The following PTPRA variants were observed in gnomAD, a reference collection of about 807,000 sequenced individuals.
PTPRA encodes the protein protein tyrosine phosphatase receptor type A.
PTPRA carries 25 observed loss-of-function variants against 104.8 expected under a neutral mutation model. The ratio of observed to expected loss-of-function variants is 0.24; its 90% confidence interval spans 0.17 to 0.33. The LOEUF (loss-of-function observed/expected upper bound fraction) is 0.33. Ranked by LOEUF, PTPRA falls within the 10% of genes least tolerant of loss-of-function variation. PTPRA has a pLI of 1.00. For synonymous variants in PTPRA, 323 were observed against 368.9 expected, an observed-to-expected ratio of 0.88 and a Z score of 1.43; for missense variants, 765 against 1,015.3, an observed-to-expected ratio of 0.75 and a Z score of 3.35.
chr20:2,891,194 A>G (rs1367529700), intron 1 of PTPRA, among the ~76,000 whole-genome samples: 3 of 152,156 alleles, frequency 2.0e-5, no homozygotes, highest in African/African-American at 7.2e-5. Flanking sequence ...CCCTTAATTC[A>G]GGCTGCTTCT....
intron 1 of PTPRA, among the ~76,000 whole-genome samples, chr20:2,906,347 G>A (rs936728580): frequency 2.0e-5 from 3 of 152,118 alleles, no homozygotes; most frequent in African/African-American, 7.2e-5. Flanking sequence ...AATCCCAGAA[G>A]GAGATAGAGG....
chr20:2,960,546 C>CT (rs974662997), intron 3 of PTPRA, among the ~76,000 whole-genome samples: 12 of 151,648 alleles, frequency 7.9e-5, no homozygotes, highest in South Asian at 2.1e-4. Flanking sequence ...CACGCCCTAC[C>CT]TTTTTTTTAA....
At chr20:2,921,547 T>G (rs2060096824) in intron 1 of PTPRA, among the ~76,000 whole-genome samples, 2 of 152,090 alleles carry the variant, frequency 1.3e-5, no homozygotes, top group Non-Finnish European at 2.9e-5. Context: ...TTTTTAACAT[T>G]TTGGTTTATT....
chr20:3,011,439 C>T (rs16988201), intron 11 of PTPRA, among the ~76,000 whole-genome samples: 11,017 of 152,178 alleles, frequency 0.072, 919 homozygotes, highest in African/African-American at 0.19. Context: ...TAATGTGCTA[C>T]GTGTGCAAAG....
intron 9 of PTPRA, among the ~76,000 whole-genome samples, chr20:2,997,631 C>G (rs897166928): frequency 2.6e-5 from 4 of 152,194 alleles, no homozygotes; most frequent in African/African-American, 9.7e-5. Context: ...TCCGTGAATG[C>G]CCACCTGATT....
At chr20:2,943,760 C>G (rs943498317) in intron 2 of PTPRA, among the ~76,000 whole-genome samples, 2 of 152,158 alleles carry the variant, frequency 1.3e-5, no homozygotes, top group African/African-American at 4.8e-5. Context: ...ACACACTATT[C>G]CTTTCTCTAA....
chr20:3,031,093 T>C (rs1464380420), intron 20 of PTPRA, among the ~76,000 whole-genome samples: 4 of 152,118 alleles, frequency 2.6e-5, no homozygotes, highest in Admixed American at 6.6e-5. Context: ...GGAACTCCCA[T>C]GCTGGGTCAA....
chr20:2,932,113 G>C (rs765876402), intron 2 of PTPRA, among the ~76,000 whole-genome samples: 1 of 152,194 alleles, frequency 6.6e-6, no homozygotes, highest in African/African-American at 2.4e-5. Context: ...AGTAGTCATT[G>C]TGTCAAAGAG....
chr20:2,927,614 A>G (rs972547855), intron 2 of PTPRA, among the ~76,000 whole-genome samples: 13 of 152,202 alleles, frequency 8.5e-5, no homozygotes, highest in African/African-American at 3.1e-4. Context: ...CTACACAGTC[A>G]TATTGGTATT....
intron 6 of PTPRA, among the ~76,000 whole-genome samples, chr20:2,977,156 A>G (rs1166764648): frequency 1.3e-5 from 2 of 151,936 alleles, no homozygotes; most frequent in Non-Finnish European, 2.9e-5. Context: ...TGCGCCTGTA[A>G]TCCCAGCTAC....
At chr20:2,938,586 T>C (rs879123684) in intron 2 of PTPRA, among the ~76,000 whole-genome samples, 3 of 152,170 alleles carry the variant, frequency 2.0e-5, no homozygotes, top group Admixed American at 2.0e-4. Context: ...ATCTTTGTTA[T>C]TATCCCACAG....
chr20:2,913,547 C>G (rs1450415485), intron 1 of PTPRA, among the ~76,000 whole-genome samples: 1 of 152,166 alleles, frequency 6.6e-6, no homozygotes, highest in East Asian at 1.9e-4. Flanking sequence ...CGCCTTGACA[C>G]TTTTGAAGAT....
At chr20:2,995,218 A>G (rs2063350483) in intron 9 of PTPRA, among the ~76,000 whole-genome samples, 1 of 152,164 alleles carries the variant, frequency 6.6e-6, no homozygotes, top group Non-Finnish European at 1.5e-5. Context: ...AATTGTTCCT[A>G]TCATTTGTAA....
chr20:2,924,217 C>T (rs940279535), intron 2 of PTPRA, among the ~76,000 whole-genome samples: 10 of 152,124 alleles, frequency 6.6e-5, no homozygotes, highest in African/African-American at 2.4e-4. Context: ...GCCTGGTCAA[C>T]ATGGTGAAAC....
chr20:2,985,899 G>GT (rs2062883970), intron 6 of PTPRA, among the ~76,000 whole-genome samples: 1 of 151,492 alleles, frequency 6.6e-6, no homozygotes, highest in Admixed American at 6.6e-5. Flanking sequence ...TTGTTTGTTT[G>GT]TTTGTTTGTT....
rs1160296311 is a variant in PTPRA at position 3,022,967 on chromosome 20, T to A, written c.1464+143T>A. 16 of 1,345,274 alleles carry A rather than the reference T, an allele frequency of 1.2e-5. No individual in the cohort carries two copies. In the South Asian group the frequency reaches 2.0e-4, roughly 17 times the overall value. The allele number at this position is 1,345,274 out of a possible 1,614,324, so 83.3% of individuals were successfully genotyped here. ...TGGGGGAAAGAAAGATAGATCACAC[T>A]GTTACCGTGTCTATGTAGAAAAAGG... On this transcript the variant is annotated intron_variant, in intron 16 of 23. Coordinates refer to ENST00000399903, the MANE Select transcript of PTPRA (RefSeq NM_001385305.1). This position sits in a 1 kb window ranked among gnomAD's most constrained non-coding sequence, Gnocchi z 4.6.
chr20:3,004,950 C>T (rs1026046427), intron 9 of PTPRA, 106 bp from the exon 10 acceptor site: 14 of 1,006,830 alleles, frequency 1.4e-5, no homozygotes, highest in Non-Finnish European at 2.1e-5. Flanking sequence ...GTTTTTCCCC[C>T]CAGGAAAAGG....
intron 1 of PTPRA, among the ~76,000 whole-genome samples, chr20:2,879,573 G>A (rs968278300): frequency 5.9e-5 from 9 of 152,106 alleles, no homozygotes; most frequent in African/African-American, 1.9e-4. Flanking sequence ...TGCCCCACCC[G>A]CAGCCATTTT....
intron 13 of PTPRA, among the ~76,000 whole-genome samples, chr20:3,018,725 C>G (rs2064612596): frequency 1.3e-5 from 2 of 151,286 alleles, no homozygotes; most frequent in South Asian, 2.1e-4. Context: ...GGCCCGTTCT[C>G]AATGAGCTGC....
Sources: allele counts gnomAD v4.1 joint callset (sites outside exome capture counted in the v4.1 genomes callset), GRCh38; gene constraint gnomAD v4.1.1; non-coding constraint Gnocchi (gnomAD v3.1); transcripts MANE v1.5; gene names NCBI Gene and HGNC (gene_info 2026-07-23, HGNC 2026-07-21).